IL1R1: variants seen among roughly 807,000 people sequenced by gnomAD.
IL1R1 encodes the protein interleukin 1 receptor type 1, also known as interleukin-1 receptor type 1.
In IL1R1, 22 loss-of-function variants were observed where a neutral mutation model predicts 50.2. The observed-to-expected ratio is 0.44, with a 90% CI of 0.31 to 0.63. IL1R1 has a LOEUF of 0.63. Among genes scored for constraint, IL1R1 ranks in the 20% least tolerant of loss-of-function variants. IL1R1 has a pLI of 0.07. For missense variants in IL1R1, 509 were observed against 676.2 expected (o/e 0.75, Z 2.74); for synonymous variants, 251 against 236.7 (o/e 1.06, Z -0.55).
At chr2:102,073,785 A>G (rs994503166) in intron 1 of IL1R1, among the ~76,000 whole-genome samples, 1 of 152,244 alleles carries the variant, frequency 6.6e-6, no homozygotes, top group East Asian at 1.9e-4. Context: ...CGGTCAACAA[A>G]TCTCTAAGCT....
At chr2:102,168,697 G>A (rs202198085) in intron 7 of IL1R1, 34 bp downstream of exon 7, 115 of 1,185,646 alleles carry the variant, frequency 9.7e-5, no homozygotes, top group Non-Finnish European at 1.2e-4. Context: ...TGCTGGAATC[G>A]GTTTTTTTTT....
intron 1 of IL1R1, among the ~76,000 whole-genome samples, chr2:102,111,473 C>T (rs1410116071): frequency 6.6e-6 from 1 of 152,206 alleles, no homozygotes; most frequent in Non-Finnish European, 1.5e-5. Context: ...AGGGCTTTCT[C>T]ATTCATTATC....
chr2:102,098,299 T>C (rs1679991326), intron 1 of IL1R1, among the ~76,000 whole-genome samples: 1 of 152,182 alleles, frequency 6.6e-6, no homozygotes, highest in African/African-American at 2.4e-5. Context: ...GTAAATCTTG[T>C]ACTCTATAAA....
intron 1 of IL1R1, among the ~76,000 whole-genome samples, chr2:102,106,770 C>T (rs1456843593): frequency 2.0e-5 from 3 of 152,156 alleles, no homozygotes; most frequent in Admixed American, 1.3e-4. Context: ...TACCTCACAG[C>T]GATGGAGCAT....
At chr2:102,075,297 A>G (rs1173335729) in intron 1 of IL1R1, among the ~76,000 whole-genome samples, 1 of 152,228 alleles carries the variant, frequency 6.6e-6, no homozygotes, top group African/African-American at 2.4e-5. Flanking sequence ...AAATGTTTCC[A>G]TTCAACACAT....
At chr2:102,085,823 T>A (rs1434188878) in intron 1 of IL1R1, among the ~76,000 whole-genome samples, 1 of 152,154 alleles carries the variant, frequency 6.6e-6, no homozygotes, top group Non-Finnish European at 1.5e-5. Context: ...ACATCAAATC[T>A]TTCAATTATT....
intron 3 of IL1R1, among the ~76,000 whole-genome samples, chr2:102,158,436 G>T (rs1488390476): frequency 2.0e-5 from 3 of 152,164 alleles, no homozygotes. Context: ...TTAATTTTTT[G>T]AATGTGGCCA....
At chr2:102,159,457 GC>G (rs528812698) in intron 3 of IL1R1, among the ~76,000 whole-genome samples, 567 of 152,258 alleles carry the variant, frequency 3.7e-3, no homozygotes, top group Non-Finnish European at 5.5e-3. Flanking sequence ...AGAAATGAGA[GC>G]CTGGTGCCTT....
At chr2:102,091,119 C>T (rs770028118) in intron 1 of IL1R1, among the ~76,000 whole-genome samples, 4 of 152,166 alleles carry the variant, frequency 2.6e-5, no homozygotes, top group Non-Finnish European at 5.9e-5. Flanking sequence ...GTGGGAGAAC[C>T]AGATATACCC....
chr2:102,156,272 TCTAGA>T (rs1684183666), intron 2 of IL1R1: 1 of 152,578 alleles, frequency 6.6e-6, no homozygotes, highest in African/African-American at 2.4e-5. Context: ...ATACTAGTAT[TCTAGA>T]CTATTTTGGG....
intron 7 of IL1R1, among the ~76,000 whole-genome samples, chr2:102,170,782 C>T (rs992779147): frequency 6.6e-6 from 1 of 152,174 alleles, no homozygotes; most frequent in Non-Finnish European, 1.5e-5. Flanking sequence ...TGCATCCAGC[C>T]AGGCGTGGTG....
chr2:102,179,402 G>A lies in IL1R1; in HGVS notation c.*2643G>A, dbSNP rs1224747111. Reference sequence around the variant, plus strand: ...TGCAAAGTTATTCCCCATCTTCCAAGGGTTGAATTCTGGAGGAAGAAGACA... The same window carrying A: ...TGCAAAGTTATTCCCCATCTTCCAAAGGTTGAATTCTGGAGGAAGAAGACA... On this transcript the variant is annotated 3_prime_UTR_variant, in exon 12 of 12. Coordinates refer to ENST00000410023, the MANE Select transcript of IL1R1 (RefSeq NM_000877.4). The A allele has an allele frequency of 1.3e-5, 2 of 152,288 alleles. No individual in the cohort carries two copies. Among genetic ancestry groups the A allele is most frequent in the African/African-American group, 4.8e-5 (2 of 41,424 alleles). The allele number at this position is 152,288 out of a possible 1,614,324, so 9.4% of individuals were successfully genotyped here.
chr2:102,126,139 A>T (rs761873651), intron 1 of IL1R1, among the ~76,000 whole-genome samples: 18 of 152,368 alleles, frequency 1.2e-4, no homozygotes, highest in Non-Finnish European at 2.2e-4. Flanking sequence ...CTTAAGCATG[A>T]TATTAAAAAT....
chr2:102,175,675 T>G, intron 11 of IL1R1, 30 bp downstream of exon 11: 1 of 1,605,004 alleles, frequency 6.2e-7, no homozygotes, highest in Non-Finnish European at 8.5e-7. Flanking sequence ...GAGTAAAGGC[T>G]TATTGTTGTA....
In IL1R1 at chr2:102,134,463, C is replaced by T. The variant is rs565862587; in HGVS notation, c.-83-19478C>T. On this transcript the variant is annotated intron_variant, in intron 1 of 10. Transcript: ENST00000409329. ...CACAGATTTCGGCTCACCGCAACCT[C>T]CGCCTCCTGGGTTCAAGTGATTCTT... 5.3e-5 allele frequency among the ~76,000 whole-genome samples: 8 copies of T among 152,146 alleles called. 2 individuals are homozygous for T. Among genetic ancestry groups the T allele is most frequent in the African/African-American group, 1.7e-4 (7 of 41,486 alleles).
chr2:102,125,789 T>C lies in IL1R1; in HGVS notation c.-84+20917T>C, dbSNP rs144810861. Among the ~76,000 whole-genome samples, 589 of 152,318 alleles carry C rather than the reference T, an allele frequency of 3.9e-3. 3 individuals carry two copies. Among genetic ancestry groups the C allele is most frequent in the Admixed American group, 6.3e-3 (96 of 15,300 alleles). ...TGAGGAATGCGAAGAGGGTCTGTAATACACAGTTTCCCAGGGGCCCATCCA... is the reference window on the plus strand; with the variant it reads ...TGAGGAATGCGAAGAGGGTCTGTAACACACAGTTTCCCAGGGGCCCATCCA... On this transcript the variant is annotated intron_variant, in intron 1 of 10. Transcript: ENST00000409329.
At chr2:102,118,755 C>T (rs111950762) in intron 1 of IL1R1, among the ~76,000 whole-genome samples, 3,252 of 152,158 alleles carry the variant, frequency 0.021, 130 homozygotes, top group African/African-American at 0.072. Context: ...TGGTGGCTCA[C>T]GCCTGTAATC....
chr2:102,136,304 C>T (rs1309311992), intron 1 of IL1R1, among the ~76,000 whole-genome samples: 2 of 152,096 alleles, frequency 1.3e-5, no homozygotes, highest in East Asian at 3.9e-4. Context: ...CCTCTTCTCC[C>T]AACCCCTGGG....
At chr2:102,090,218 C>A in intron 1 of IL1R1, among the ~76,000 whole-genome samples, 1 of 151,034 alleles carries the variant, frequency 6.6e-6, no homozygotes, top group East Asian at 1.9e-4. Flanking sequence ...CCACCACCTA[C>A]CATGGGGAGT....
Sources: gnomAD v4.1 joint callset for allele counts (sites outside exome capture counted in the v4.1 genomes callset) on GRCh38, gnomAD v4.1.1 for gene constraint, MANE v1.5 for transcripts, NCBI Gene and HGNC (gene_info 2026-07-23, HGNC 2026-07-21) for gene names.